FOXP1: variants seen among roughly 807,000 people sequenced by gnomAD.
FOXP1 encodes the protein forkhead box protein P1.
In FOXP1, 15 loss-of-function variants were observed where a neutral mutation model predicts 98.2. The ratio of observed to expected loss-of-function variants is 0.15; its 90% CI spans 0.10 to 0.24. FOXP1 has a LOEUF of 0.24. Ranked by LOEUF, FOXP1 falls within the 10% of genes least tolerant of loss-of-function variation. The pLI is 1.00. For missense variants in FOXP1, 633 were observed against 848.5 expected (o/e 0.75, Z 3.15); for synonymous variants, 371 against 314.5 (o/e 1.18, Z -1.90).
chr3:71,401,419 A>T lies in FOXP1; in HGVS notation c.-167-42175T>A, dbSNP rs76445653. Among the ~76,000 whole-genome samples, 1,126 of 152,316 alleles carry T rather than the reference A, an allele frequency of 7.4e-3. 18 individuals are homozygous for T. Among genetic ancestry groups the T allele is most frequent in the African/African-American group, 0.025 (1,056 of 41,564 alleles). On this transcript the variant is annotated intron_variant, in intron 3 of 20. Coordinates refer to ENST00000649528, the MANE Select transcript of FOXP1 (RefSeq NM_001349338.3). ...ATGGGGCATTTCTCACACCGACTGA[A>T]AAATTCGTGTTGTCCCCAGAAGCTG...
rs552028897 is a variant in FOXP1, at chr3:71,032,611, C to T, written c.869+8717G>A. ...ATCTAACGCACTCATTTGCATTGCC[C>T]CAGTGAGCCAGTCGGCAGAGAGGTA... On this transcript the variant is annotated intron_variant, in intron 11 of 20. Transcript: ENST00000649528. Among the ~76,000 whole-genome samples the T allele has an allele frequency of 1.4e-3, 211 of 152,204 alleles. 1 individual carries two copies. Among genetic ancestry groups the T allele is most frequent in the African/African-American group, 4.8e-3 (201 of 41,534 alleles).
intron 7 of FOXP1, among the ~76,000 whole-genome samples, chr3:71,095,962 T>C (rs1034154904): frequency 6.6e-6 from 1 of 152,216 alleles, no homozygotes; most frequent in Non-Finnish European, 1.5e-5. Context: ...TCCCTGGACT[T>C]CTCAATAGGA....
intron 9 of FOXP1, among the ~76,000 whole-genome samples, chr3:71,051,590 T>A (rs2049901865): frequency 6.6e-6 from 1 of 152,162 alleles, no homozygotes; most frequent in Admixed American, 6.5e-5. Context: ...GCTGTTAAAG[T>A]GGATGAGGTG....
At chr3:71,053,000 T>C (rs1458310786) in intron 8 of FOXP1, among the ~76,000 whole-genome samples, 3 of 152,172 alleles carry the variant, frequency 2.0e-5, no homozygotes, top group Admixed American at 2.0e-4. Context: ...AGTGTGTGCA[T>C]GGACAGCCTG....
intron 3 of FOXP1, among the ~76,000 whole-genome samples, chr3:71,398,224 G>C (rs1020336110): frequency 1.3e-5 from 2 of 152,194 alleles, no homozygotes; most frequent in African/African-American, 4.8e-5. Flanking sequence ...TTGTATATAT[G>C]TCAAGTCGAT....
intron 5 of FOXP1, among the ~76,000 whole-genome samples, chr3:71,232,942 T>C (rs998317772): frequency 3.7e-5 from 5 of 135,938 alleles, no homozygotes; most frequent in South Asian, 2.6e-4. Flanking sequence ...ACAATACTAC[T>C]ACCACCACCA....
intron 3 of FOXP1, among the ~76,000 whole-genome samples, chr3:71,368,771 A>G (rs952577126): frequency 1.3e-5 from 2 of 152,204 alleles, no homozygotes; most frequent in Non-Finnish European, 2.9e-5. Flanking sequence ...AGCAAGGGGC[A>G]GCACTTCTAA....
intron 7 of FOXP1, among the ~76,000 whole-genome samples, chr3:71,079,386 C>T (rs2054170426): frequency 6.6e-6 from 1 of 152,152 alleles, no homozygotes; most frequent in Admixed American, 6.5e-5. Context: ...CATTCATGCC[C>T]ATTAACGATC....
chr3:71,228,683 A>G (rs2066033247), intron 5 of FOXP1, among the ~76,000 whole-genome samples: 1 of 152,204 alleles, frequency 6.6e-6, no homozygotes, highest in African/African-American at 2.4e-5. Context: ...TCCTGCATCA[A>G]TGAATCTTAA....
chr3:71,440,794 G>A (rs12495031), intron 3 of FOXP1, among the ~76,000 whole-genome samples: 86,267 of 151,896 alleles, frequency 0.57, 28,034 homozygotes, highest in Non-Finnish European at 0.75. Flanking sequence ...GAGCCCAAGC[G>A]GTTGAGGCTG....
intron 7 of FOXP1, among the ~76,000 whole-genome samples, chr3:71,065,242 C>G (rs1466125317): frequency 6.6e-6 from 1 of 151,974 alleles, no homozygotes; most frequent in African/African-American, 2.4e-5. Flanking sequence ...ACCGCTCCCT[C>G]TGGCCGGGGC....
chr3:71,007,417 A>T (rs1320102828), intron 12 of FOXP1, among the ~76,000 whole-genome samples: 3 of 152,190 alleles, frequency 2.0e-5, no homozygotes, highest in Non-Finnish European at 4.4e-5. Context: ...GCCGAGAGCC[A>T]CAAATGGGTT....
intron 14 of FOXP1, among the ~76,000 whole-genome samples, chr3:70,986,209 G>C (rs941445553): frequency 2.0e-5 from 3 of 152,078 alleles, no homozygotes; most frequent in Non-Finnish European, 4.4e-5. Flanking sequence ...ACTGGTCCAC[G>C]TGAAGAATCC....
chr3:71,187,673 A>G (rs1263553970), intron 6 of FOXP1, among the ~76,000 whole-genome samples: 2 of 152,256 alleles, frequency 1.3e-5, no homozygotes, highest in Admixed American at 1.3e-4. Context: ...CTTTGTGTTT[A>G]TAAGAAATAG....
intron 18 of FOXP1, chr3:70,972,280 T>C (rs1318846328): frequency 8.1e-6 from 9 of 1,106,662 alleles, no homozygotes; most frequent in Non-Finnish European, 1.1e-5. Flanking sequence ...AAAAAGAAAA[T>C]AAAATGCAAT....
At chr3:71,024,049 T>C (rs2045795551) in intron 11 of FOXP1, among the ~76,000 whole-genome samples, 1 of 152,148 alleles carries the variant, frequency 6.6e-6, no homozygotes, top group Admixed American at 6.6e-5. Context: ...CGAAATCAGC[T>C]GGAAATCAGC....
chr3:71,222,309 T>C (rs2065461256), intron 5 of FOXP1, among the ~76,000 whole-genome samples: 1 of 152,200 alleles, frequency 6.6e-6, no homozygotes, highest in Non-Finnish European at 1.5e-5. Flanking sequence ...AGGGTGTCTG[T>C]CACACCTGAC....
chr3:70,967,890 A>G lies in FOXP1; in HGVS notation c.1723-1834T>C, dbSNP rs555872793. On this transcript the variant is annotated intron_variant, in intron 19 of 20. Coordinates refer to ENST00000649528, the MANE Select transcript of FOXP1 (RefSeq NM_001349338.3). Reference sequence around the variant, plus strand: ...ACTATTCCAAGGTCAGAATGTGGCAAAAGTGGGGCTGCTGCTAGCTTAATT... The same window carrying G: ...ACTATTCCAAGGTCAGAATGTGGCAGAAGTGGGGCTGCTGCTAGCTTAATT... 2.2e-4 allele frequency among the ~76,000 whole-genome samples: 33 copies of G among 152,090 alleles called. No individual in the cohort carries two copies. In the South Asian group the frequency reaches 6.4e-3, roughly 30 times the overall value.
intron 5 of FOXP1, among the ~76,000 whole-genome samples, chr3:71,256,406 C>T (rs572252354): frequency 9.9e-5 from 15 of 152,104 alleles, no homozygotes; most frequent in African/African-American, 3.1e-4. Context: ...TTTTTTGAGA[C>T]GGAGTCTCAC....
Sources: gnomAD v4.1 joint callset for allele counts (sites outside exome capture counted in the v4.1 genomes callset) on GRCh38, gnomAD v4.1.1 for gene constraint, MANE v1.5 for transcripts, NCBI Gene and HGNC (gene_info 2026-07-23, HGNC 2026-07-21) for gene names.